Variants in RAB40B observed in about 807,000 individuals in gnomAD.
The protein encoded by RAB40B is RAB40B, member RAS oncogene family, also known as ras-related protein Rab-40B.
A neutral mutation model predicts 24.0 loss-of-function variants in RAB40B; 21 were observed. The ratio of observed to expected loss-of-function variants is 0.88; its 90% CI spans 0.62 to 1.26. RAB40B has a LOEUF of 1.26. Ranked by LOEUF, RAB40B falls within the 50% of genes most tolerant of loss-of-function variation. RAB40B has a pLI of 0.00. For synonymous variants in RAB40B, 167 were observed against 169.8 expected (o/e 0.98, Z 0.13); for missense variants, 348 against 390.5 (o/e 0.89, Z 0.92).
At chr17:82,668,301 C>G (rs1464574242) in intron 1 of RAB40B, 2 of 154,472 alleles carry the variant, frequency 1.3e-5, no homozygotes, top group African/African-American at 4.8e-5. Context: ...CACATCCCCC[C>G]TCTGACAAAA....
chr17:82,698,328 G>T, intron 1 of RAB40B, 127 bp downstream of exon 1: 1 of 872,160 alleles, frequency 1.1e-6, no homozygotes, highest in Non-Finnish European at 1.5e-6. Flanking sequence ...ACGCGCCCCG[G>T]CCTCTTCCCG....
intron 3 of RAB40B, among the ~76,000 whole-genome samples, chr17:82,660,419 C>T (rs1469512994): frequency 6.7e-6 from 1 of 148,432 alleles, no homozygotes; most frequent in East Asian, 2.0e-4. Flanking sequence ...CCTTCACACA[C>T]GTGTAAACAC....
intron 1 of RAB40B, among the ~76,000 whole-genome samples, chr17:82,695,565 C>G (rs1434469735): frequency 6.7e-6 from 1 of 149,804 alleles, no homozygotes; most frequent in Non-Finnish European, 1.5e-5. Context: ...AAAAACATGG[C>G]CAGGTGCTGT....
At chr17:82,691,797 C>G (rs1048129569) in intron 1 of RAB40B, among the ~76,000 whole-genome samples, 1 of 152,176 alleles carries the variant, frequency 6.6e-6, no homozygotes, top group Non-Finnish European at 1.5e-5. Context: ...CCCTGCTGTG[C>G]CCCGACCATA....
chr17:82,658,867 G>A (rs1598292104), intron 4 of RAB40B, 154 bp from the exon 5 acceptor site: 3 of 656,614 alleles, frequency 4.6e-6, no homozygotes, highest in East Asian at 2.7e-5. Context: ...CGTCTTTGCA[G>A]ACGTAAATAG....
At chr17:82,677,980 C>CGCA in intron 1 of RAB40B, among the ~76,000 whole-genome samples, 1 of 152,332 alleles carries the variant, frequency 6.6e-6, no homozygotes, top group African/African-American at 2.4e-5. Context: ...AACCCTCTAA[C>CGCA]GCAGCCATGT....
chr17:82,662,539 TG>T, intron 2 of RAB40B: 1 of 984,202 alleles, frequency 1.0e-6, no homozygotes, highest in Non-Finnish European at 1.2e-6. Flanking sequence ...TGAGGGCAGG[TG>T]GGGGCAGGCA....
In RAB40B at chr17:82,697,260, C is replaced by T. The variant is rs774193991; in HGVS notation, c.142+1195G>A. Among the ~76,000 whole-genome samples, 3 of 152,196 alleles carry T rather than the reference C, an allele frequency of 2.0e-5. No individual in the cohort carries two copies. Among genetic ancestry groups the T allele is most frequent in the Admixed American group, 2.0e-4 (3 of 15,290 alleles). ...CAGGCCACCCCCTCCAGCCGTGCCA[C>T]ACTCCCTTGGTGCTCACGCCGCCTG... On this transcript the variant is annotated intron_variant, in intron 1 of 5. Transcript: ENST00000571995. The surrounding 1 kb of genome is among the most constrained non-coding windows in gnomAD (Gnocchi z 4.9).
chr17:82,671,132 C>T (rs1258101484), intron 1 of RAB40B, among the ~76,000 whole-genome samples: 1 of 150,670 alleles, frequency 6.6e-6, no homozygotes, highest in African/African-American at 2.5e-5. Context: ...CTGACACACC[C>T]CACCCCTGTA....
At chr17:82,677,690 C>T (rs1252893168) in intron 1 of RAB40B, among the ~76,000 whole-genome samples, 1 of 152,250 alleles carries the variant, frequency 6.6e-6, no homozygotes, top group Non-Finnish European at 1.5e-5. Context: ...TTTGGGGTTT[C>T]CAGGCACAGG....
rs1200216680 is a variant in RAB40B at position 82,697,524 on chromosome 17, C to T, written c.142+931G>A. 2.6e-5 allele frequency among the ~76,000 whole-genome samples: 4 copies of T among 152,314 alleles called. No individual in the cohort carries two copies. In the South Asian group the frequency reaches 8.3e-4, roughly 32 times the overall value. ...CTCTGTTGGAAGCGTGGGTTCAGCC[C>T]CGAGGCGCGGCAGGAAGGTGGGCAC... On this transcript the variant is annotated intron_variant, in intron 1 of 5. Transcript: ENST00000571995. The surrounding 1 kb of genome is among the most constrained non-coding windows in gnomAD (Gnocchi z 4.9).
chr17:82,689,933 C>T lies in RAB40B; in HGVS notation c.142+8522G>A, dbSNP rs1437709038. Among the ~76,000 whole-genome samples the T allele has an allele frequency of 3.4e-5, 5 of 148,188 alleles. No homozygotes were observed. The East Asian group carries it at 9.9e-4, about 29-fold the overall frequency. On this transcript the variant is annotated intron_variant, in intron 1 of 5. Coordinates refer to ENST00000571995, the MANE Select transcript of RAB40B (RefSeq NM_006822.3). Reference sequence around the variant, plus strand: ...AGTGAACCGAGATCGTGCCACTGCACTCCAGCCTGGGTGACAGAGCAAAAC... The same window carrying T: ...AGTGAACCGAGATCGTGCCACTGCATTCCAGCCTGGGTGACAGAGCAAAAC...
At chr17:82,672,666 C>A (rs1164801381) in intron 1 of RAB40B, among the ~76,000 whole-genome samples, 1 of 152,218 alleles carries the variant, frequency 6.6e-6, no homozygotes, top group African/African-American at 2.4e-5. Context: ...TGCGCGATGC[C>A]CTCTGCCAGG....
In RAB40B at chr17:82,695,322, G is replaced by T. The variant is rs1299901250; in HGVS notation, c.142+3133C>A. 2.6e-5 allele frequency among the ~76,000 whole-genome samples: 4 copies of T among 151,012 alleles called. No individual in the cohort carries two copies. The East Asian group carries it at 7.7e-4, about 29-fold the overall frequency. On this transcript the variant is annotated intron_variant, in intron 1 of 5. Transcript: ENST00000571995. ...TTCTCCTGCCTCAGCCTCCCAAGTA[G>T]CTGGGATTACAGGCACGCGGCACCA...
intron 2 of RAB40B, among the ~76,000 whole-genome samples, chr17:82,664,241 G>T (rs1409283626): frequency 1.5e-5 from 2 of 132,442 alleles, no homozygotes; most frequent in African/African-American, 5.9e-5. Context: ...GGGGGAGCTT[G>T]CTCCCTGGGG....
In RAB40B at chr17:82,657,885, C is replaced by T; in HGVS notation, c.815G>A (p.Arg272Lys). The T allele has an allele frequency of 6.6e-7, 1 of 1,505,542 alleles. No individual in the cohort carries two copies. The highest frequency in any genetic ancestry group is 9.1e-7 in the Non-Finnish European group (1 of 1,100,970). The allele number at this position is 1,505,542 out of a possible 1,614,324, so 93.3% of individuals were successfully genotyped here. A position where few individuals can be genotyped will look rare whatever the true frequency, so the allele number is the denominator to read the frequency against. The part of the protein sequence containing the change: ...PPQSPPKNCT[R>K]NSCKIS Reference sequence around the variant, plus strand: ...TCCTTAAGAAATTTTGCAGCTGTTTCTGGTGCAGTTTTTGGGGGGGCTCTG... The same window carrying T: ...TCCTTAAGAAATTTTGCAGCTGTTTTTGGTGCAGTTTTTGGGGGGGCTCTG... Residue 272 changes from arginine to lysine, a missense_variant, in exon 6 of 6, where the codon AGA becomes AAA. By Grantham distance (26) the Arg-to-Lys change is conservative. Transcript: ENST00000571995.
chr17:82,686,644 C>T (rs564259576), intron 1 of RAB40B, among the ~76,000 whole-genome samples: 168 of 152,324 alleles, frequency 1.1e-3, no homozygotes, highest in African/African-American at 3.6e-3. Context: ...GAAGGGTCCC[C>T]GCTTAGAGCC....
intron 2 of RAB40B, chr17:82,661,332 C>T: frequency 5.4e-6 from 6 of 1,120,824 alleles, no homozygotes; most frequent in Non-Finnish European, 6.7e-6. Context: ...TCAATGTAGG[C>T]TTTAAAAAAC....
At chr17:82,669,348 GCCTGTA>G (rs1254585526) in intron 1 of RAB40B, among the ~76,000 whole-genome samples, 1 of 152,108 alleles carries the variant, frequency 6.6e-6, no homozygotes, top group Non-Finnish European at 1.5e-5. Flanking sequence ...GGTGGCGGGT[GCCTGTA>G]ATCCCAGCTA....
Sources: gnomAD v4.1 joint callset for allele counts (sites outside exome capture counted in the v4.1 genomes callset) on GRCh38, gnomAD v4.1.1 for gene constraint, Gnocchi (gnomAD v3.1) non-coding constraint, MANE v1.5 for transcripts, NCBI Gene and HGNC (gene_info 2026-07-23, HGNC 2026-07-21) for gene names.